MAPK8: variants seen among roughly 807,000 people sequenced by gnomAD.
MAPK8 encodes the protein JUN N-terminal kinase.
MAPK8 carries 13 observed loss-of-function variants against 52.9 expected under a neutral mutation model. That is an observed-to-expected ratio of 0.25 (90% CI 0.16 to 0.39). The LOEUF (loss-of-function observed/expected upper bound fraction) is 0.39. Among genes scored for constraint, MAPK8 ranks in the 10% least tolerant of loss-of-function variants. The pLI is 1.00. For missense variants in MAPK8, 300 were observed against 519.2 expected, an observed-to-expected ratio of 0.58 and a Z score of 4.10; for synonymous variants, 191 against 169.8, an observed-to-expected ratio of 1.12 and a Z score of -0.97.
chr10:48,420,066 G>T, intron 5 of MAPK8, 89 bp from the exon 6 acceptor site: 1 of 953,912 alleles, frequency 1.0e-6, no homozygotes, highest in Non-Finnish European at 1.6e-6. Context: ...TAACATGAAT[G>T]TTTTGCAAGG....
At chr10:48,343,839 A>C (rs1278647800) in intron 1 of MAPK8, among the ~76,000 whole-genome samples, 1 of 152,244 alleles carries the variant, frequency 6.6e-6, no homozygotes, top group Non-Finnish European at 1.5e-5. Flanking sequence ...CTCATTGTAT[A>C]CTGTTGATAC....
chr10:48,401,792 T>G lies in MAPK8; in HGVS notation c.122+10T>G. The G allele has an allele frequency of 7.1e-7, 1 of 1,410,102 alleles. No individual in the cohort carries two copies. Among genetic ancestry groups the G allele is most frequent in the Non-Finnish European group, 9.3e-7 (1 of 1,076,978 alleles). The allele number at this position is 1,410,102 out of a possible 1,614,324, so 87.3% of individuals were successfully genotyped here. A position where few individuals can be genotyped will look rare whatever the true frequency, so the allele number is the denominator to read the frequency against. On this transcript the variant is annotated intron_variant, in intron 2 of 11. Transcript: ENST00000374189. ...CTCAAGGAATAGTATGGTAAGTGTTTACTTCCAAAAATTAGGCAAAGAATC... is the reference window on the plus strand; with the variant it reads ...CTCAAGGAATAGTATGGTAAGTGTTGACTTCCAAAAATTAGGCAAAGAATC...
intron 1 of MAPK8, among the ~76,000 whole-genome samples, chr10:48,320,870 A>G (rs1006226857): frequency 2.5e-4 from 38 of 152,260 alleles, no homozygotes; most frequent in African/African-American, 8.7e-4. Flanking sequence ...AATTCTCCAC[A>G]TCCTATTCAA....
intron 1 of MAPK8, among the ~76,000 whole-genome samples, chr10:48,322,612 G>A (rs989374958): frequency 1.3e-5 from 2 of 151,902 alleles, no homozygotes; most frequent in Non-Finnish European, 2.9e-5. Context: ...CATAAAGCCA[G>A]GGATGTTATC....
chr10:48,352,995 G>T (rs1375627477), intron 1 of MAPK8, among the ~76,000 whole-genome samples: 1 of 151,928 alleles, frequency 6.6e-6, no homozygotes. Context: ...AATACTATTT[G>T]GAATTGCTAA....
At chr10:48,394,540 C>A (rs1158113556) in intron 1 of MAPK8, among the ~76,000 whole-genome samples, 3 of 151,768 alleles carry the variant, frequency 2.0e-5, no homozygotes, top group African/African-American at 7.2e-5. Flanking sequence ...AGAATTAGTA[C>A]CATTAATGAT....
intron 5 of MAPK8, among the ~76,000 whole-genome samples, chr10:48,416,058 C>T (rs917177093): frequency 3.3e-5 from 5 of 152,114 alleles, no homozygotes; most frequent in African/African-American, 9.7e-5. Flanking sequence ...CTTGAGGCCA[C>T]GATTGGTACT....
chr10:48,344,751 G>T (rs1280076388), intron 1 of MAPK8, among the ~76,000 whole-genome samples: 1 of 151,898 alleles, frequency 6.6e-6, no homozygotes, highest in Admixed American at 6.6e-5. Flanking sequence ...ATAGTTCTTG[G>T]GGAGACAGTG....
chr10:48,348,822 A>C (rs10218874), intron 1 of MAPK8, among the ~76,000 whole-genome samples: 7 of 151,702 alleles, frequency 4.6e-5, no homozygotes, highest in African/African-American at 1.7e-4. Flanking sequence ...AGGTAGTGTG[A>C]TGCCTCGAGC....
intron 1 of MAPK8, among the ~76,000 whole-genome samples, chr10:48,358,594 G>A (rs1847209567): frequency 6.6e-6 from 1 of 152,090 alleles, no homozygotes; most frequent in Non-Finnish European, 1.5e-5. Context: ...GTCCTCTGAT[G>A]TACAAAAGTT....
intron 5 of MAPK8, among the ~76,000 whole-genome samples, chr10:48,414,934 C>T (rs753192523): frequency 4.6e-5 from 7 of 152,160 alleles, no homozygotes; most frequent in Middle Eastern, 6.8e-3. Context: ...CCTTCTGAGT[C>T]ATCTGCGTCA....
At chr10:48,367,393 ATAAAT>A (rs1356511214) in intron 1 of MAPK8, among the ~76,000 whole-genome samples, 1 of 150,940 alleles carries the variant, frequency 6.6e-6, no homozygotes, top group African/African-American at 2.4e-5. Flanking sequence ...AAATAAATAA[ATAAAT>A]AAATACATAT....
chr10:48,338,034 C>T (rs865955070), intron 1 of MAPK8, among the ~76,000 whole-genome samples: 1 of 152,076 alleles, frequency 6.6e-6, no homozygotes, highest in South Asian at 2.1e-4. Context: ...AGAGCTGATA[C>T]CAATCTTACT....
intron 1 of MAPK8, among the ~76,000 whole-genome samples, chr10:48,345,296 C>T (rs1388135016): frequency 4.6e-5 from 7 of 152,206 alleles, no homozygotes; most frequent in African/African-American, 1.7e-4. Context: ...TGTTAACCCT[C>T]TCTCTCAACT....
chr10:48,379,254 G>T (rs992166105), intron 1 of MAPK8, among the ~76,000 whole-genome samples: 2 of 152,088 alleles, frequency 1.3e-5, no homozygotes, highest in African/African-American at 4.8e-5. Flanking sequence ...TTTACATACC[G>T]CAAGTCAGGA....
chr10:48,330,571 T>C lies in MAPK8; in HGVS notation c.-50+23750T>C, dbSNP rs534576550. On this transcript the variant is annotated intron_variant, in intron 1 of 11. Transcript: ENST00000374189. Reference sequence around the variant, plus strand: ...CATTCACCCGTCCAAACCCAATGAATGGACTCAGAGACATGAAGAACAGCG... The same window carrying C: ...CATTCACCCGTCCAAACCCAATGAACGGACTCAGAGACATGAAGAACAGCG... Among the ~76,000 whole-genome samples the C allele has an allele frequency of 2.6e-5, 4 of 152,280 alleles. No individual in the cohort carries two copies. The East Asian group carries it at 7.7e-4, about 29-fold the overall frequency.
At chr10:48,324,503 G>GTTTT (rs370766776) in intron 1 of MAPK8, among the ~76,000 whole-genome samples, 23 of 118,014 alleles carry the variant, frequency 1.9e-4, no homozygotes, top group African/African-American at 6.4e-4. Flanking sequence ...CTGTTTTCTA[G>GTTTT]TTTTTTTTTT....
Position 48,376,186 on chromosome 10 carries a change from T to C in MAPK8, c.-49-25426T>C, listed in dbSNP as rs1006398111. Reference sequence around the variant, plus strand: ...GTGTTGGGAAAACTGGCTAGCCATATGCAGAAAGCTGAAACTGGATTCCTT... The same window carrying C: ...GTGTTGGGAAAACTGGCTAGCCATACGCAGAAAGCTGAAACTGGATTCCTT... On this transcript the variant is annotated intron_variant, in intron 1 of 11. Coordinates refer to ENST00000374189, the MANE Select transcript of MAPK8 (RefSeq NM_001323329.2). 1.1e-4 allele frequency among the ~76,000 whole-genome samples: 17 copies of C among 152,312 alleles called. No homozygotes were observed. In the East Asian group the frequency reaches 2.9e-3, roughly 26 times the overall value.
chr10:48,426,164 G>C, intron 8 of MAPK8, 94 bp downstream of exon 8: 1 of 1,176,308 alleles, frequency 8.5e-7, no homozygotes, highest in Non-Finnish European at 1.2e-6. Flanking sequence ...ATTCTTATGG[G>C]ACATGAACCC....
Sources: allele counts gnomAD v4.1 joint callset (sites outside exome capture counted in the v4.1 genomes callset), GRCh38; gene constraint gnomAD v4.1.1; transcripts MANE v1.5; gene names NCBI Gene and HGNC (gene_info 2026-07-23, HGNC 2026-07-21).